Variants in SNX1 observed in about 807,000 individuals in gnomAD.
SNX1 encodes sorting nexin 1, also known as sorting nexin-1.
A neutral mutation model predicts 71.8 loss-of-function variants in SNX1; 36 were observed. The observed-to-expected ratio is 0.50, with a 90% CI of 0.38 to 0.66. The LOEUF (loss-of-function observed/expected upper bound fraction) is 0.66. Ranked by LOEUF, SNX1 falls within the 30% of genes least tolerant of loss-of-function variation. The pLI is 0.00. For missense variants in SNX1, 612 were observed against 646.7 expected (o/e 0.95, Z 0.58); for synonymous variants, 254 against 240.7 (o/e 1.06, Z -0.51).
In SNX1 at chr15:64,111,011, T is replaced by G. The variant is rs539301414; in HGVS notation, c.160-1562T>G. On this transcript the variant is annotated intron_variant, in intron 1 of 14. Transcript: ENST00000559844. Reference sequence around the variant, plus strand: ...CCCCGTGAGCTACTAGTAAATTACATTTGTATACATGTATCCTTAATGTAT... The same window carrying G: ...CCCCGTGAGCTACTAGTAAATTACAGTTGTATACATGTATCCTTAATGTAT... Among the ~76,000 whole-genome samples the G allele has an allele frequency of 4.6e-5, 7 of 152,366 alleles. No homozygotes were observed. The East Asian group carries it at 1.3e-3, about 29-fold the overall frequency.
intron 5 of SNX1, among the ~76,000 whole-genome samples, chr15:64,124,598 G>A (rs1410786985): frequency 2.0e-5 from 3 of 151,594 alleles, no homozygotes; most frequent in African/African-American, 4.9e-5. Context: ...GGTCATGGCT[G>A]TAGTTAGTTC....
chr15:64,107,328 TG>T (rs2140135281), intron 1 of SNX1, among the ~76,000 whole-genome samples: 1 of 152,334 alleles, frequency 6.6e-6, no homozygotes, highest in African/African-American at 2.4e-5. Flanking sequence ...GGGTTCTGTG[TG>T]GAGCAAAGAG....
At chr15:64,106,968 C>A (rs1337804263) in intron 1 of SNX1, among the ~76,000 whole-genome samples, 3 of 152,114 alleles carry the variant, frequency 2.0e-5, no homozygotes, top group African/African-American at 7.2e-5. Context: ...ATAGGCTGTC[C>A]CACCTCACTC....
chr15:64,137,047 C>G, intron 14 of SNX1, 115 bp downstream of exon 14: 1 of 748,664 alleles, frequency 1.3e-6, no homozygotes, highest in Non-Finnish European at 2.3e-6. Flanking sequence ...CTGGGCCCTC[C>G]TATAGTCCAT....
At chr15:64,131,640 T>C (rs1181401199) in intron 10 of SNX1, 47 bp from the exon 11 acceptor site, 3 of 1,586,516 alleles carry the variant, frequency 1.9e-6, no homozygotes, top group Non-Finnish European at 2.6e-6. Flanking sequence ...TTTGTCCCTT[T>C]TCCTTGTGAG....
intron 6 of SNX1, among the ~76,000 whole-genome samples, chr15:64,126,769 A>G (rs2081257844): frequency 6.6e-6 from 1 of 152,060 alleles, no homozygotes; most frequent in Non-Finnish European, 1.5e-5. Context: ...TAGTAGAAAC[A>G]GGGTTTTACC....
chr15:64,106,680 A>G (rs2081025389), intron 1 of SNX1, among the ~76,000 whole-genome samples: 1 of 152,228 alleles, frequency 6.6e-6, no homozygotes, highest in Non-Finnish European at 1.5e-5. Context: ...TTAAAAATGT[A>G]AGACAGGCTA....
At chr15:64,118,310 G>A in intron 3 of SNX1, 66 bp downstream of exon 3, 3 of 1,497,530 alleles carry the variant, frequency 2.0e-6, no homozygotes, top group South Asian at 1.3e-5. Flanking sequence ...CCAGTCTGAA[G>A]TGTAGTTGAG....
chr15:64,108,207 G>T (rs1424443807), intron 1 of SNX1, among the ~76,000 whole-genome samples: 3 of 150,906 alleles, frequency 2.0e-5, no homozygotes, highest in African/African-American at 7.3e-5. Context: ...AAAAAAAAAA[G>T]GTTATAAAGC....
chr15:64,097,096 A>T (rs2080910572), intron 1 of SNX1, among the ~76,000 whole-genome samples: 1 of 150,640 alleles, frequency 6.6e-6, no homozygotes. Context: ...TATGGTTCCT[A>T]TGGGTTACCC....
intron 2 of SNX1, among the ~76,000 whole-genome samples, chr15:64,114,432 T>A (rs1369397222): frequency 1.3e-5 from 2 of 152,236 alleles, no homozygotes; most frequent in Non-Finnish European, 2.9e-5. Context: ...GGTATCATTA[T>A]AGAACCCCAT....
chr15:64,129,602 A>G lies in SNX1; in HGVS notation c.808-314A>G, dbSNP rs1409801504. ...GACTTTTAACAAGAGTATGCTTGGT[A>G]CTTAAGCAGTTCATGCCTGGGTAGG... On this transcript the variant is annotated intron_variant, in intron 8 of 14. Coordinates refer to ENST00000559844, the MANE Select transcript of SNX1 (RefSeq NM_003099.5). This position sits in a 1 kb window ranked among gnomAD's most constrained non-coding sequence, Gnocchi z 4.4. 1.3e-5 allele frequency among the ~76,000 whole-genome samples: 2 copies of G among 152,236 alleles called. No individual in the cohort carries two copies. Among genetic ancestry groups the G allele is most frequent in the Non-Finnish European group, 2.9e-5 (2 of 68,032 alleles).
At chr15:64,126,608 T>G (rs1164776822) in intron 6 of SNX1, among the ~76,000 whole-genome samples, 5 of 152,052 alleles carry the variant, frequency 3.3e-5, no homozygotes, top group Non-Finnish European at 7.4e-5. Context: ...TGAGGTGGAG[T>G]CTCGCTCTGT....
intron 1 of SNX1, among the ~76,000 whole-genome samples, chr15:64,108,336 T>A (rs2081043741): frequency 1.3e-5 from 2 of 152,208 alleles, no homozygotes; most frequent in Admixed American, 6.5e-5. Context: ...TGATTTAAAA[T>A]TAGCTTTCTA....
chr15:64,131,918 C>T, intron 11 of SNX1, 26 bp downstream of exon 11: 1 of 1,607,352 alleles, frequency 6.2e-7, no homozygotes. Context: ...CTTTTCTCCT[C>T]CTTCCCTTGA....
chr15:64,107,846 T>G lies in SNX1; in HGVS notation c.160-4727T>G, dbSNP rs2081038057. 2.0e-5 allele frequency among the ~76,000 whole-genome samples: 3 copies of G among 152,312 alleles called. No homozygotes were observed. In the South Asian group the frequency reaches 6.2e-4, roughly 32 times the overall value. ...TTTCTTGCCTAGAAATTTAGCCCCT[T>G]TCACACAGGTGAATAGTTATGTGAC... On this transcript the variant is annotated intron_variant, in intron 1 of 14. Coordinates refer to ENST00000559844, the MANE Select transcript of SNX1 (RefSeq NM_003099.5).
intron 1 of SNX1, among the ~76,000 whole-genome samples, chr15:64,101,903 C>A (rs78785424): frequency 0.015 from 2,283 of 152,220 alleles, 14 homozygotes; most frequent in Non-Finnish European, 0.02. Flanking sequence ...TGAATGTTTA[C>A]AGCACAAAGA....
chr15:64,131,482 C>T (rs2081305752), intron 10 of SNX1: 1 of 567,960 alleles, frequency 1.8e-6, no homozygotes. Context: ...CAGCTGGTGC[C>T]TCTCCCTCCT....
rs2081147114 is a variant in SNX1, at chr15:64,117,842, TA to T, written c.272-274del. ...ATTTTGGCTGTGTTGTCTTTTTGCT[TA>T]TCCTTGGTTCTTGTATAAATTCTAG... On this transcript the variant is annotated intron_variant, in intron 2 of 14. Transcript: ENST00000559844. Among the ~76,000 whole-genome samples, 5 of 152,326 alleles carry T rather than the reference TA, an allele frequency of 3.3e-5. No individual in the cohort carries two copies. The South Asian group carries it at 1.0e-3, about 32-fold the overall frequency.
Sources: gnomAD v4.1 joint callset for allele counts (sites outside exome capture counted in the v4.1 genomes callset) on GRCh38, gnomAD v4.1.1 for gene constraint, Gnocchi (gnomAD v3.1) non-coding constraint, MANE v1.5 for transcripts, NCBI Gene and HGNC (gene_info 2026-07-23, HGNC 2026-07-21) for gene names.